Variants in ERG observed in about 807,000 individuals in gnomAD.
The protein encoded by ERG is transcriptional regulator ERG.
Under a neutral mutation model 55.3 loss-of-function variants are expected in ERG, and 9 were observed. The ratio of observed to expected loss-of-function variants is 0.16; its 90% CI spans 0.10 to 0.28. The LOEUF (loss-of-function observed/expected upper bound fraction) is 0.28, where lower values mean the gene tolerates loss of function less well. Ranked by LOEUF, ERG falls within the 10% of genes least tolerant of loss-of-function variation. The pLI is 1.00. For missense variants in ERG, 434 were observed against 631.6 expected (o/e 0.69, Z 3.35); for synonymous variants, 223 against 237.3 (o/e 0.94, Z 0.55).
At chr21:38,647,098 G>T (rs1422849719) in intron 1 of ERG, among the ~76,000 whole-genome samples, 1 of 152,158 alleles carries the variant, frequency 6.6e-6, no homozygotes, top group African/African-American at 2.4e-5. Flanking sequence ...GAAAACATGT[G>T]GTCAGCGATT....
intron 2 of ERG, among the ~76,000 whole-genome samples, chr21:38,559,413 G>C (rs2059878993): frequency 8.3e-6 from 1 of 120,358 alleles, no homozygotes; most frequent in Admixed American, 9.6e-5. Flanking sequence ...TTTTGAGATG[G>C]AGCCCCAGGC....
intron 3 of ERG, 142 bp downstream of exon 3, chr21:38,423,268 G>T: frequency 1.3e-6 from 1 of 769,266 alleles, no homozygotes; most frequent in Non-Finnish European, 2.0e-6. Context: ...ATAGACCTCT[G>T]CCAGCTCCCA....
At position 38,469,873 on chromosome 21, in the gene ERG, T is replaced by C. The variant is rs367765116; in HGVS notation, c.19-24252A>G. 3.6e-4 allele frequency among the ~76,000 whole-genome samples: 55 copies of C among 152,214 alleles called. 1 individual carries two copies. The highest frequency in any genetic ancestry group is 1.2e-3 in the African/African-American group (50 of 41,454). On this transcript the variant is annotated intron_variant, in intron 1 of 9. Coordinates refer to ENST00000288319, the MANE Select transcript of ERG (RefSeq NM_182918.4). ...TCAGTTGTAACATGATCTGCATAAA[T>C]TATGGGTATTAACACTTGCCATATT...
At chr21:38,423,271 A>G in intron 3 of ERG, 139 bp downstream of exon 3, 1 of 791,876 alleles carries the variant, frequency 1.3e-6, no homozygotes, top group East Asian at 2.8e-5. Context: ...GACCTCTGCC[A>G]GCTCCCATTT....
chr21:38,497,810 A>G (rs2059391813), intron 1 of ERG, among the ~76,000 whole-genome samples: 2 of 152,176 alleles, frequency 1.3e-5, no homozygotes, highest in African/African-American at 4.8e-5. Context: ...CCCCCATTTG[A>G]GTTACGTGAG....
intron 1 of ERG, among the ~76,000 whole-genome samples, chr21:38,617,435 T>C (rs956403813): frequency 1.3e-5 from 2 of 152,192 alleles, no homozygotes; most frequent in Admixed American, 6.5e-5. Context: ...CTGCCCAAGG[T>C]TGGGAATTCT....
At chr21:38,621,701 C>G (rs981737789) in intron 1 of ERG, among the ~76,000 whole-genome samples, 35 of 152,282 alleles carry the variant, frequency 2.3e-4, no homozygotes, top group South Asian at 4.2e-4. Flanking sequence ...CAGATCCCCC[C>G]AGAAAGGAGG....
chr21:38,500,226 C>T (rs147120948), upstream of ERG, among the ~76,000 whole-genome samples: 220 of 152,298 alleles, frequency 1.4e-3, 3 homozygotes, highest in South Asian at 0.016. Context: ...TATGCCTTTA[C>T]CAAACACCAG....
rs750056137 is a variant in ERG at position 38,423,401 on chromosome 21, G to A, written c.388+9C>T. The A allele has an allele frequency of 2.0e-5, 32 of 1,608,610 alleles. No individual in the cohort carries two copies. The highest frequency in any genetic ancestry group is 2.7e-5 in the Non-Finnish European group (32 of 1,176,272). On this transcript the variant is annotated intron_variant, in intron 3 of 9. Coordinates refer to ENST00000288319, the MANE Select transcript of ERG (RefSeq NM_182918.4). ...TCTGCCGAGGGCAGTGAAGCTGTGG[G>A]CACCTGACCTGCTGGCACGATAACT...
intron 1 of ERG, among the ~76,000 whole-genome samples, chr21:38,647,170 CATT>C (rs1450166175): frequency 6.6e-6 from 1 of 152,158 alleles, no homozygotes; most frequent in East Asian, 1.9e-4. Flanking sequence ...TTTGTTTTCT[CATT>C]ATCAGTTTTC....
At position 38,395,390 on chromosome 21, in the gene ERG, T is replaced by C. The variant is rs1005911175; in HGVS notation, c.746-2946A>G. On this transcript the variant is annotated intron_variant, in intron 6 of 9. Transcript: ENST00000288319. ...CTATGTATCTTTGCTATGTGTCCTT[T>C]ATTGATAATAGAGCATCAGACTTCC... The C allele has an allele frequency of 1.3e-5, 3 of 224,624 alleles. No individual in the cohort carries two copies. The East Asian group carries it at 1.9e-4, about 14-fold the overall frequency. 13.9% of individuals were successfully genotyped at this position (224,624 alleles called of 1,614,324 possible).
intron 2 of ERG, among the ~76,000 whole-genome samples, chr21:38,425,323 C>T (rs934033892): frequency 2.6e-5 from 4 of 151,132 alleles, no homozygotes; most frequent in African/African-American, 4.9e-5. Context: ...AGGTTGAGGT[C>T]GTGGTGAGCT....
intron 2 of ERG, among the ~76,000 whole-genome samples, chr21:38,428,245 G>T (rs1168390810): frequency 1.3e-5 from 2 of 151,884 alleles, no homozygotes; most frequent in East Asian, 3.9e-4. Context: ...GAACTGAAAA[G>T]TGTTCATTTG....
chr21:38,580,042 G>A (rs7281966), intron 1 of ERG, among the ~76,000 whole-genome samples: 13,106 of 152,006 alleles, frequency 0.086, 654 homozygotes, highest in African/African-American at 0.1. Context: ...GGATGGTATC[G>A]ATCTCCTGAC....
chr21:38,537,297 T>G (rs2059717753), intron 2 of ERG, among the ~76,000 whole-genome samples: 1 of 151,964 alleles, frequency 6.6e-6, no homozygotes, highest in Non-Finnish European at 1.5e-5. Context: ...GCAACATAAA[T>G]AAAAGAGACA....
At chr21:38,389,016 G>T (rs1395357403) in intron 9 of ERG, among the ~76,000 whole-genome samples, 1 of 152,176 alleles carries the variant, frequency 6.6e-6, no homozygotes, top group Non-Finnish European at 1.5e-5. Flanking sequence ...AGGCCAGTTT[G>T]GTCTTCTTTG....
At chr21:38,456,492 T>C (rs1023828828) in intron 1 of ERG, among the ~76,000 whole-genome samples, 1 of 151,488 alleles carries the variant, frequency 6.6e-6, no homozygotes, top group Non-Finnish European at 1.5e-5. Context: ...CAACAGAAAG[T>C]CTTGTAGAAA....
intron 1 of ERG, among the ~76,000 whole-genome samples, chr21:38,496,900 C>A (rs956629996): frequency 1.3e-5 from 2 of 152,102 alleles, no homozygotes; most frequent in African/African-American, 4.8e-5. Flanking sequence ...TCAAGATTTA[C>A]ACAGAATATT....
chr21:38,506,482 T>A (rs768908301), intron 2 of ERG, among the ~76,000 whole-genome samples: 2 of 152,142 alleles, frequency 1.3e-5, no homozygotes, highest in Non-Finnish European at 2.9e-5. Flanking sequence ...ATGCATGGAG[T>A]ATAGCACTTC....
Sources: gnomAD v4.1 joint callset for allele counts (sites outside exome capture counted in the v4.1 genomes callset) on GRCh38, gnomAD v4.1.1 for gene constraint, MANE v1.5 for transcripts, NCBI Gene and HGNC (gene_info 2026-07-23, HGNC 2026-07-21) for gene names.